CHD5: variants seen among roughly 807,000 people sequenced by gnomAD.
CHD5 encodes chromodomain helicase DNA binding protein 5.
In CHD5, 69 loss-of-function variants were observed where a neutral mutation model predicts 230.3. The observed-to-expected ratio is 0.30, with a 90% CI of 0.25 to 0.37. The LOEUF (loss-of-function observed/expected upper bound fraction) is 0.37. CHD5 is among the 10% of genes least tolerant of loss of function. CHD5 has a pLI of 1.00. For missense variants in CHD5, 1,827 were observed against 2,622.8 expected, an observed-to-expected ratio of 0.70 and a Z score of 6.63; for synonymous variants, 1,064 against 1,065.9, an observed-to-expected ratio of 1.00 and a Z score of 0.03.
intron 15 of CHD5, among the ~76,000 whole-genome samples, chr1:6,141,544 C>T (rs537913985): frequency 6.6e-5 from 10 of 151,470 alleles, no homozygotes; most frequent in South Asian, 6.3e-4. Context: ...GAGCCCAGGA[C>T]GGGGAGGTTG....
intron 1 of CHD5, among the ~76,000 whole-genome samples, chr1:6,177,054 T>C (rs1380592924): frequency 6.6e-6 from 1 of 152,124 alleles, no homozygotes; most frequent in South Asian, 2.1e-4. Flanking sequence ...AATTCACTGC[T>C]GAGAGTGAGC....
At chr1:6,117,551 G>C (rs185397825) in intron 33 of CHD5, among the ~76,000 whole-genome samples, 1 of 152,028 alleles carries the variant, frequency 6.6e-6, no homozygotes, top group Admixed American at 6.6e-5. Context: ...GTCTCTAAAA[G>C]TATTGATTAA....
At chr1:6,150,536 G>C (rs1321038497) in intron 7 of CHD5, among the ~76,000 whole-genome samples, 4 of 151,188 alleles carry the variant, frequency 2.6e-5, no homozygotes, top group Non-Finnish European at 5.9e-5. Flanking sequence ...TGGATGGATA[G>C]CTGACGGATG....
intron 1 of CHD5, among the ~76,000 whole-genome samples, chr1:6,174,876 A>G (rs1667397196): frequency 1.5e-5 from 2 of 133,652 alleles, no homozygotes; most frequent in Non-Finnish European, 3.1e-5. Flanking sequence ...ATGAAAGATG[A>G]ATGGATAGAT....
At chr1:6,118,409 T>C (rs1045692802) in intron 33 of CHD5, among the ~76,000 whole-genome samples, 8 of 142,180 alleles carry the variant, frequency 5.6e-5, no homozygotes, top group African/African-American at 1.6e-4. Context: ...AGGAATGAAG[T>C]ACTAATATAT....
rs1667150102 is a variant in CHD5, at chr1:6,160,230, GA to G, written c.208-716del. ...CCTAGCCAGGGAAGGGCCCCAGCCA[GA>G]GAAGGGCCCCAGCCAGAGAAGGAGA... On this transcript the variant is annotated intron_variant, in intron 2 of 41. Coordinates refer to ENST00000262450, the MANE Select transcript of CHD5 (RefSeq NM_015557.3). 2.6e-5 allele frequency among the ~76,000 whole-genome samples: 2 copies of G among 77,262 alleles called. 1 individual carries two copies. Among genetic ancestry groups the G allele is most frequent in the African/African-American group, 1.8e-4 (2 of 10,998 alleles). 50.7% of individuals were successfully genotyped at this position (77,262 alleles called of 152,430 possible).
intron 20 of CHD5, among the ~76,000 whole-genome samples, chr1:6,133,868 G>A (rs1165219180): frequency 6.6e-6 from 1 of 152,208 alleles, no homozygotes; most frequent in Non-Finnish European, 1.5e-5. Context: ...GGGGAGGAGG[G>A]GCTGTCCTAC....
intron 1 of CHD5, among the ~76,000 whole-genome samples, chr1:6,175,429 GTGGATAGA>G (rs1667410870): frequency 6.6e-6 from 1 of 150,976 alleles, no homozygotes; most frequent in African/African-American, 2.4e-5. Context: ...TGGATGACGG[GTGGATAGA>G]TGGATGAATG....
At chr1:6,169,826 A>G (rs1220910617) in intron 1 of CHD5, among the ~76,000 whole-genome samples, 2 of 151,966 alleles carry the variant, frequency 1.3e-5, no homozygotes, top group East Asian at 1.9e-4. Flanking sequence ...TCCCCTGTGC[A>G]CTCAGGAGCA....
At chr1:6,178,611 G>C (rs1300727363) in intron 1 of CHD5, among the ~76,000 whole-genome samples, 3 of 151,964 alleles carry the variant, frequency 2.0e-5, no homozygotes, top group Non-Finnish European at 4.4e-5. Flanking sequence ...TATTGTCCAG[G>C]CAACTCCACC....
rs530648153 is a variant in CHD5, at chr1:6,155,276, C to A, written c.506+323G>T. Among the ~76,000 whole-genome samples, 2 of 152,308 alleles carry A rather than the reference C, an allele frequency of 1.3e-5. No homozygotes were observed. The highest frequency in any genetic ancestry group is 4.1e-4 in the South Asian group (2 of 4,824). ...GACTTGTGGGGCCACAGGTGGGCTA[C>A]AGTGGGCCTTGGGGTCTCCGTCCCA... is the stretch of plus-strand genomic sequence containing the variant. On this transcript the variant is annotated intron_variant, in intron 4 of 41. Transcript: ENST00000262450. This position sits in a 1 kb window ranked among gnomAD's most constrained non-coding sequence, Gnocchi z 4.0.
intron 1 of CHD5, among the ~76,000 whole-genome samples, chr1:6,174,749 T>C (rs965954181): frequency 5.3e-5 from 8 of 149,564 alleles, no homozygotes. Flanking sequence ...AGATGGTGAA[T>C]TGATGGATGG....
chr1:6,163,009 C>A (rs1219242306), intron 2 of CHD5, among the ~76,000 whole-genome samples: 1 of 152,248 alleles, frequency 6.6e-6, no homozygotes, highest in Non-Finnish European at 1.5e-5. Flanking sequence ...GCAGCCTCCA[C>A]TGTCTGGCAG....
At position 6,143,914 on chromosome 1, in the gene CHD5, T is replaced by A; in HGVS notation, c.1952A>T (p.Glu651Val). Residue 651 changes from glutamate (E) to valine (V), a missense_variant, in exon 13 of 42, where the codon GAA becomes GTA. Around this residue, in one of 14 missense-constraint regions of CHD5, gnomAD observed 657 missense variants for 816.4 expected, o/e 0.80. Coordinates refer to ENST00000262450, the MANE Select transcript of CHD5 (RefSeq NM_015557.3). The part of the protein sequence containing the change: ...YWGHRELMLG[E>V]DTRLPKRLLK... The stretch of plus-strand genomic sequence containing the variant: ...CAGCCTCTTGGGCAGCCTGGTGTCT[T>A]CTCCCAGCATCAGCTCCCTGGGAAA... 1 of 1,613,972 alleles carries A rather than the reference T, an allele frequency of 6.2e-7. No individual in the cohort carries two copies. Among genetic ancestry groups the A allele is most frequent in the Non-Finnish European group, 8.5e-7 (1 of 1,179,998 alleles).
Position 6,130,988 on chromosome 1 carries a change from G to A in CHD5, c.3262+643C>T, listed in dbSNP as rs58607099. Among the ~76,000 whole-genome samples the A allele has an allele frequency of 4.0e-3, 603 of 152,382 alleles. 2 individuals are homozygous for A. The highest frequency in any genetic ancestry group is 0.013 in the African/African-American group (556 of 41,596). On this transcript the variant is annotated intron_variant, in intron 21 of 41. Coordinates refer to ENST00000262450, the MANE Select transcript of CHD5 (RefSeq NM_015557.3). The surrounding 1 kb of genome is among the most constrained non-coding windows in gnomAD (Gnocchi z 4.9). ...GCTCTCTGGCACAAGTGTTTGAGAG[G>A]AATCACTGCTTTGGGCGTTTGGAGA...
At position 6,167,036 on chromosome 1, in the gene CHD5, G is replaced by A. The variant is rs572545751; in HGVS notation, c.207+1114C>T. 6.6e-6 allele frequency among the ~76,000 whole-genome samples: 1 copy of A among 152,262 alleles called. No homozygotes were observed. The highest frequency in any genetic ancestry group is 2.4e-5 in the African/African-American group (1 of 41,548). ...ACTCTGCAGGGAGGCCTAGATCCGG[G>A]CCCAGCGCTGCCAAGGGCACCCCCT... On this transcript the variant is annotated intron_variant, in intron 2 of 41. Coordinates refer to ENST00000262450, the MANE Select transcript of CHD5 (RefSeq NM_015557.3). This position sits in a 1 kb window ranked among gnomAD's most constrained non-coding sequence, Gnocchi z 4.5.
At chr1:6,107,787 GA>G (rs1666216251) in intron 38 of CHD5, among the ~76,000 whole-genome samples, 1 of 133,032 alleles carries the variant, frequency 7.5e-6, no homozygotes, top group Non-Finnish European at 1.6e-5. Flanking sequence ...AGGGATGATG[GA>G]AGAATGAAGG....
chr1:6,124,112 G>A lies in CHD5; in HGVS notation c.4540-5C>T. The A allele has an allele frequency of 6.2e-7, 1 of 1,611,544 alleles. No homozygotes were observed. The highest frequency in any genetic ancestry group is 8.5e-7 in the Non-Finnish European group (1 of 1,179,078). On this transcript the variant is annotated splice_polypyrimidine_tract_variant and splice_region_variant and intron_variant, in intron 30 of 41. Transcript: ENST00000262450. Reference sequence around the variant, plus strand: ...GACATGCTCAAACTCCTGAACCTGGGGTGGTGGGAGGGAAGGTGGAAGGGA... The same window carrying A: ...GACATGCTCAAACTCCTGAACCTGGAGTGGTGGGAGGGAAGGTGGAAGGGA...
At chr1:6,110,367 G>A in intron 37 of CHD5, 27 bp downstream of exon 37, 1 of 1,612,972 alleles carries the variant, frequency 6.2e-7, no homozygotes, top group Non-Finnish European at 8.5e-7. Context: ...CCTGCCCCGT[G>A]CAGCCCTGGC....
Sources: gnomAD v4.1 joint callset for allele counts (sites outside exome capture counted in the v4.1 genomes callset) on GRCh38, gnomAD v4.1.1 for gene constraint, gnomAD v4.1.1 regional missense constraint, Gnocchi (gnomAD v3.1) non-coding constraint, MANE v1.5 for transcripts, NCBI Gene and HGNC (gene_info 2026-07-23, HGNC 2026-07-21) for gene names.